Variants in RERE observed in about 807,000 individuals in gnomAD.
RERE encodes the protein arginine-glutamic acid dipeptide repeats protein.
Under a neutral mutation model 146.1 loss-of-function variants are expected in RERE, and 40 were observed. That is an observed-to-expected ratio of 0.27 (90% CI 0.21 to 0.36). The LOEUF is 0.36. Among genes scored for constraint, RERE ranks in the 10% least tolerant of loss-of-function variants. RERE has a pLI of 1.00. For synonymous variants in RERE, 1,003 were observed against 866.0 expected (o/e 1.16, Z -2.78); for missense variants, 1,933 against 2,138.7 (o/e 0.90, Z 1.90).
At chr1:8,767,323 C>T (rs889384461) in intron 1 of RERE, among the ~76,000 whole-genome samples, 4 of 152,100 alleles carry the variant, frequency 2.6e-5, no homozygotes, top group African/African-American at 9.7e-5. Flanking sequence ...GCAATGGAGG[C>T]CAGGCACAGT....
intron 12 of RERE, among the ~76,000 whole-genome samples, chr1:8,378,439 T>C (rs1642336507): frequency 6.6e-6 from 1 of 152,222 alleles, no homozygotes; most frequent in Non-Finnish European, 1.5e-5. Flanking sequence ...GTTGAAGCTC[T>C]AACCCCCAGG....
chr1:8,680,164 G>A (rs1638931581), intron 1 of RERE, among the ~76,000 whole-genome samples: 1 of 152,118 alleles, frequency 6.6e-6, no homozygotes, highest in South Asian at 2.1e-4. Flanking sequence ...GGTGGAAAAT[G>A]GAGAAAGCCA....
chr1:8,572,375 T>C (rs1175932966), intron 4 of RERE, among the ~76,000 whole-genome samples: 1 of 152,182 alleles, frequency 6.6e-6, no homozygotes, highest in Non-Finnish European at 1.5e-5. Flanking sequence ...GAAGTTAATA[T>C]GGAGAAAAAC....
intron 12 of RERE, among the ~76,000 whole-genome samples, chr1:8,380,100 C>CAT (rs1277928591): frequency 6.6e-6 from 1 of 152,204 alleles, no homozygotes; most frequent in Non-Finnish European, 1.5e-5. Context: ...GCTCCCAGAA[C>CAT]ATACCATAAC....
rs913735322 is a variant in RERE at position 8,384,909 on chromosome 1, G to A, written c.1285-18935C>T. Reference sequence around the variant, plus strand: ...CCAGTCATGGGCACAGCTCTCAGCCGATGCAACAACCACATTGACTTCAAG... The same window carrying A: ...CCAGTCATGGGCACAGCTCTCAGCCAATGCAACAACCACATTGACTTCAAG... On this transcript the variant is annotated intron_variant, in intron 12 of 22. Coordinates refer to ENST00000400908, the MANE Select transcript of RERE (RefSeq NM_001042681.2). Among the ~76,000 whole-genome samples, 4 of 152,220 alleles carry A rather than the reference G, an allele frequency of 2.6e-5. No homozygotes were observed. The East Asian group carries it at 5.8e-4, about 22-fold the overall frequency.
At chr1:8,426,058 C>T (rs945571714) in intron 11 of RERE, among the ~76,000 whole-genome samples, 7 of 152,130 alleles carry the variant, frequency 4.6e-5, no homozygotes, top group African/African-American at 9.7e-5. Context: ...TGCAGGCAGG[C>T]GTCTACAGTG....
chr1:8,760,034 T>A (rs112970790), intron 1 of RERE, among the ~76,000 whole-genome samples: 112 of 152,286 alleles, frequency 7.4e-4, no homozygotes, highest in African/African-American at 2.6e-3. Context: ...AGTTTTGTTT[T>A]GTTTTTTTGA....
chr1:8,655,871 C>G, intron 2 of RERE, 102 bp downstream of exon 2: 2 of 1,511,366 alleles, frequency 1.3e-6, no homozygotes, highest in Non-Finnish European at 1.8e-6. Context: ...TTCTAGATTC[C>G]AAGCCTTCCT....
rs145274799 is a variant in RERE, at chr1:8,521,958, G to C, written c.831-13283C>G. ...ATCACAAATAAATGTGTAGCTCAAA[G>C]AAGTTTGATAGAAATAATCTCTAAT... On this transcript the variant is annotated intron_variant, in intron 7 of 22. Transcript: ENST00000400908. Among the ~76,000 whole-genome samples the C allele has an allele frequency of 2.0e-5, 3 of 152,334 alleles. No individual in the cohort carries two copies. In the East Asian group the frequency reaches 5.8e-4, roughly 29 times the overall value.
At chr1:8,526,572 A>G (rs957150609) in intron 7 of RERE, among the ~76,000 whole-genome samples, 24 of 151,964 alleles carry the variant, frequency 1.6e-4, no homozygotes, top group Non-Finnish European at 2.8e-4. Flanking sequence ...TATTGTGAGC[A>G]GGGTAGCTAA....
intron 4 of RERE, among the ~76,000 whole-genome samples, chr1:8,598,477 A>G (rs1304769164): frequency 2.0e-5 from 3 of 152,112 alleles, no homozygotes; most frequent in African/African-American, 4.8e-5. Flanking sequence ...GTTCTCTCCA[A>G]TGACTCTCAC....
chr1:8,461,085 C>T (rs1034696132), intron 11 of RERE, among the ~76,000 whole-genome samples: 1 of 152,132 alleles, frequency 6.6e-6, no homozygotes, highest in Admixed American at 6.6e-5. Context: ...TAATAACCAC[C>T]CAAGCATGGA....
At position 8,423,818 on chromosome 1, in the gene RERE, G is replaced by A. The variant is rs1215182935; in HGVS notation, c.1204-1011C>T. The A allele has an allele frequency of 5.1e-5, 27 of 526,798 alleles. No homozygotes were observed. The highest frequency in any genetic ancestry group is 6.0e-5 in the Non-Finnish European group (25 of 413,632). The allele number at this position is 526,798 out of a possible 1,614,324, so 32.6% of individuals were successfully genotyped here. ...CGCGCAGAGCCCGGCGCGGCCGCGG[G>A]CGGCTGCAAAAGGCGGCCTGGATTG... On this transcript the variant is annotated intron_variant, in intron 11 of 22. Transcript: ENST00000400908. This position sits in a 1 kb window ranked among gnomAD's most constrained non-coding sequence, Gnocchi z 5.4.
At chr1:8,534,196 G>C (rs544434315) in intron 7 of RERE, among the ~76,000 whole-genome samples, 1 of 152,286 alleles carries the variant, frequency 6.6e-6, no homozygotes, top group Admixed American at 6.5e-5. Flanking sequence ...AGGTGTTTTA[G>C]ATTGTTAACT....
At chr1:8,709,418 C>A (rs1366199169) in intron 1 of RERE, among the ~76,000 whole-genome samples, 1 of 152,002 alleles carries the variant, frequency 6.6e-6, no homozygotes, top group Non-Finnish European at 1.5e-5. Context: ...GCACCCAGCT[C>A]CCTTGTAGAT....
At chr1:8,522,987 G>A (rs1002439765) in intron 7 of RERE, among the ~76,000 whole-genome samples, 1 of 152,018 alleles carries the variant, frequency 6.6e-6, no homozygotes, top group Non-Finnish European at 1.5e-5. Context: ...GACCAACCTG[G>A]GCAACAAGGT....
At chr1:8,550,338 A>G (rs899753230) in intron 6 of RERE, among the ~76,000 whole-genome samples, 2 of 152,260 alleles carry the variant, frequency 1.3e-5, no homozygotes, top group Admixed American at 6.5e-5. Context: ...AAAGCAATTG[A>G]CAGGTTATGA....
intron 1 of RERE, among the ~76,000 whole-genome samples, chr1:8,771,162 T>C (rs1316858585): frequency 2.0e-5 from 3 of 152,096 alleles, no homozygotes; most frequent in Non-Finnish European, 4.4e-5. Context: ...AAAATGCATA[T>C]AGCATAAATG....
intron 17 of RERE, 117 bp from the exon 18 acceptor site, chr1:8,361,607 C>T (rs1247611451): frequency 1.1e-5 from 16 of 1,445,278 alleles, no homozygotes; most frequent in South Asian, 4.7e-5. Context: ...AGCTTGGCTC[C>T]GGGACCACAG....
Sources: allele counts gnomAD v4.1 joint callset (sites outside exome capture counted in the v4.1 genomes callset), GRCh38; gene constraint gnomAD v4.1.1; non-coding constraint Gnocchi (gnomAD v3.1); transcripts MANE v1.5; gene names NCBI Gene and HGNC (gene_info 2026-07-23, HGNC 2026-07-21).